Variants in PRIM2 observed in about 807,000 individuals in gnomAD.
PRIM2 encodes the protein DNA primase large subunit.
In PRIM2, 39 loss-of-function variants were observed where a neutral mutation model predicts 67.3. The ratio of observed to expected loss-of-function variants is 0.58; its 90% confidence interval spans 0.45 to 0.76. The LOEUF (loss-of-function observed/expected upper bound fraction) is 0.76, where lower values mean the gene tolerates loss of function less well. Ranked by LOEUF, PRIM2 falls within the 30% of genes least tolerant of loss-of-function variation. The pLI, the probability that PRIM2 is intolerant of heterozygous loss-of-function variation, is 0.00. For missense variants in PRIM2, 398 were observed against 598.7 expected (o/e 0.66, Z 3.50); for synonymous variants, 143 against 198.7 (o/e 0.72, Z 2.36).
intron 5 of PRIM2, among the ~76,000 whole-genome samples, chr6:57,378,896 T>G (rs1204538876): frequency 2.0e-5 from 3 of 152,090 alleles, no homozygotes; most frequent in Non-Finnish European, 4.4e-5. Flanking sequence ...CTGCAGTTTG[T>G]TTAACTAGAT....
intron 7 of PRIM2, among the ~76,000 whole-genome samples, chr6:57,456,469 G>A (rs1269885480): frequency 2.0e-5 from 3 of 152,082 alleles, no homozygotes; most frequent in Non-Finnish European, 4.4e-5. Context: ...ATATTTCTTG[G>A]AGGCTTTGTT....
At chr6:57,538,499 C>T (rs1298189893) in intron 10 of PRIM2, among the ~76,000 whole-genome samples, 2 of 152,174 alleles carry the variant, frequency 1.3e-5, no homozygotes, top group Non-Finnish European at 2.9e-5. Flanking sequence ...TGCCATGACA[C>T]TGTGGTATGA....
the PRIM2 span, among the ~76,000 whole-genome samples, chr6:57,246,993 T>A: frequency 6.6e-6 from 1 of 152,154 alleles, no homozygotes; most frequent in Non-Finnish European, 1.5e-5. Flanking sequence ...TAGCTGGGAC[T>A]ACAGGTACCC....
At chr6:57,622,813 C>T (rs2127497329) in intron 12 of PRIM2, among the ~76,000 whole-genome samples, 1 of 152,140 alleles carries the variant, frequency 6.6e-6, no homozygotes, top group East Asian at 1.9e-4. Flanking sequence ...AAGTTAGTGA[C>T]TATATTAAAT....
intron 7 of PRIM2, among the ~76,000 whole-genome samples, chr6:57,387,031 A>G (rs1362030412): frequency 1.3e-5 from 2 of 152,188 alleles, no homozygotes; most frequent in Non-Finnish European, 2.9e-5. Flanking sequence ...GACTGATAAA[A>G]AATTGACATT....
At chr6:57,594,559 T>G (rs1202343525) in intron 10 of PRIM2, among the ~76,000 whole-genome samples, 1 of 152,186 alleles carries the variant, frequency 6.6e-6, no homozygotes, top group African/African-American at 2.4e-5. Context: ...CTGAAGTGAT[T>G]TAATGGGAAA....
chr6:57,486,477 G>A (rs1456558693), intron 7 of PRIM2, among the ~76,000 whole-genome samples: 3 of 152,234 alleles, frequency 2.0e-5, no homozygotes, highest in African/African-American at 7.2e-5. Flanking sequence ...CTGGAGGCAG[G>A]AAGACCACGG....
intron 10 of PRIM2, among the ~76,000 whole-genome samples, chr6:57,546,304 A>G (rs1775289924): frequency 6.6e-6 from 1 of 152,200 alleles, no homozygotes; most frequent in Non-Finnish European, 1.5e-5. Context: ...TTTAATTGAG[A>G]ACGAAGGAAT....
At chr6:57,544,946 C>G (rs1775255039) in intron 10 of PRIM2, among the ~76,000 whole-genome samples, 1 of 152,160 alleles carries the variant, frequency 6.6e-6, no homozygotes, top group African/African-American at 2.4e-5. Context: ...ATGGTAAATT[C>G]TACCAAATCT....
At chr6:57,318,710 A>T in intron 2 of PRIM2, 111 bp downstream of exon 2, 2 of 878,010 alleles carry the variant, frequency 2.3e-6, no homozygotes, top group Non-Finnish European at 3.5e-6. Context: ...TTCAACAAGT[A>T]TTTATTGAGG....
At chr6:57,391,460 A>G (rs1770341875) in intron 7 of PRIM2, among the ~76,000 whole-genome samples, 2 of 151,798 alleles carry the variant, frequency 1.3e-5, no homozygotes, top group African/African-American at 2.4e-5. Context: ...TCCAGATGGT[A>G]TTGCCTAAGT....
intron 10 of PRIM2, 111 bp downstream of exon 10, chr6:57,537,736 C>A: frequency 1.8e-6 from 1 of 547,630 alleles, no homozygotes; most frequent in Non-Finnish European, 2.8e-6. Flanking sequence ...GTTGAAAATT[C>A]TAAAAGGATA....
chr6:57,274,245 G>A, the PRIM2 span, among the ~76,000 whole-genome samples: 1 of 152,254 alleles, frequency 6.6e-6, no homozygotes. Flanking sequence ...ACAGAGGCAG[G>A]CAGGCCTCCT....
At chr6:57,374,439 G>A (rs1270868848) in intron 5 of PRIM2, among the ~76,000 whole-genome samples, 17 of 149,062 alleles carry the variant, frequency 1.1e-4, no homozygotes, top group African/African-American at 3.2e-4. Flanking sequence ...GACTACAGGC[G>A]CGCGCCACCA....
the PRIM2 span, among the ~76,000 whole-genome samples, chr6:57,294,072 A>G: frequency 6.6e-6 from 1 of 152,242 alleles, no homozygotes; most frequent in East Asian, 1.9e-4. Context: ...ATATTATGGT[A>G]TAGTCATGCA....
chr6:57,397,452 G>T (rs544218643), intron 7 of PRIM2, among the ~76,000 whole-genome samples: 1 of 152,192 alleles, frequency 6.6e-6, no homozygotes. Flanking sequence ...TACTTGTTCA[G>T]TTCTATTTGC....
intron 10 of PRIM2, among the ~76,000 whole-genome samples, chr6:57,550,026 G>A (rs1319781584): frequency 6.6e-6 from 1 of 151,996 alleles, no homozygotes; most frequent in Non-Finnish European, 1.5e-5. Context: ...TGGAGGTTGT[G>A]GTGAGCTGAG....
chr6:57,436,688 C>T (rs1375710331), intron 7 of PRIM2, among the ~76,000 whole-genome samples: 1 of 152,108 alleles, frequency 6.6e-6, no homozygotes, highest in African/African-American at 2.4e-5. Flanking sequence ...AAAGATTTAA[C>T]CCTTTTTTGT....
At chr6:57,317,598 C>T (rs1006681580), upstream of PRIM2, 1 of 152,724 alleles carries the variant, frequency 6.5e-6, no homozygotes, top group African/African-American at 2.4e-5. Flanking sequence ...CAGGGCTGGC[C>T]TTCTGTGCTA....
Sources: gnomAD v4.1 joint callset for allele counts (sites outside exome capture counted in the v4.1 genomes callset) on GRCh38, gnomAD v4.1.1 for gene constraint, MANE v1.5 for transcripts, NCBI Gene and HGNC (gene_info 2026-07-23, HGNC 2026-07-21) for gene names.